The following INIP variants were observed in gnomAD, a reference collection of about 807,000 sequenced individuals.
INIP encodes INTS3 and NABP interacting protein, also known as SOSS complex subunit C.
INIP carries 9 observed loss-of-function variants against 14.0 expected under a neutral mutation model. The ratio of observed to expected loss-of-function variants is 0.64; its 90% confidence interval spans 0.39 to 1.12. The LOEUF is 1.12. Ranked by LOEUF, INIP falls within the 50% of genes most tolerant of loss-of-function variation. The pLI is 0.01. For missense variants in INIP, 78 were observed against 122.7 expected, an observed-to-expected ratio of 0.64 and a Z score of 1.72; for synonymous variants, 37 against 41.5, an observed-to-expected ratio of 0.89 and a Z score of 0.41.
chr9:112,709,070 A>G (rs2131310879), intron 2 of INIP, among the ~76,000 whole-genome samples: 1 of 151,962 alleles, frequency 6.6e-6, no homozygotes, highest in East Asian at 1.9e-4. Flanking sequence ...ATTCTCTTTC[A>G]CCTAGACCTA....
chr9:112,704,036 T>C (rs1394593336), intron 2 of INIP, among the ~76,000 whole-genome samples: 1 of 152,198 alleles, frequency 6.6e-6, no homozygotes, highest in Non-Finnish European at 1.5e-5. Context: ...TCCTGTTAAG[T>C]ATATGTCTAT....
intron 2 of INIP, among the ~76,000 whole-genome samples, chr9:112,698,486 C>G (rs1477443162): frequency 6.6e-6 from 1 of 151,926 alleles, no homozygotes; most frequent in East Asian, 1.9e-4. Context: ...TAAAAGGAGC[C>G]ATATGTAAAT....
rs1837714871 is a variant in INIP, at chr9:112,687,447, A to T, written c.*91T>A. On this transcript the variant is annotated 3_prime_UTR_variant, in exon 5 of 5. Coordinates refer to ENST00000374242, the MANE Select transcript of INIP (RefSeq NM_021218.3). ...AACAAAAAATATCAAAGTTCACCAA[A>T]ATTCTTAAAGTCACAGTTCATGTAG... is the stretch of plus-strand genomic sequence containing the variant. The T allele has an allele frequency of 4.1e-6, 3 of 739,152 alleles. No homozygotes were observed. Among genetic ancestry groups the T allele is most frequent in the Non-Finnish European group, 6.8e-6 (3 of 438,210 alleles). 45.8% of individuals were successfully genotyped at this position (739,152 alleles called of 1,614,324 possible).
chr9:112,702,620 A>C (rs963351875), intron 2 of INIP, among the ~76,000 whole-genome samples: 4 of 152,162 alleles, frequency 2.6e-5, no homozygotes, highest in South Asian at 2.1e-4. Flanking sequence ...GCTGGAGTGC[A>C]GTGGCACGAT....
In INIP at chr9:112,689,470, G is replaced by T. The variant is rs894189336; in HGVS notation, c.219+57C>A. On this transcript the variant is annotated intron_variant, in intron 4 of 4. Transcript: ENST00000374242. ...CTGAAATATAAAATAACTATGTGCC[G>T]GCTTCTGAGATCCAGGAAACCTCCA... The T allele has an allele frequency of 1.5e-5, 20 of 1,309,664 alleles. No individual in the cohort carries two copies. The African/African-American group carries it at 2.6e-4, about 17-fold the overall frequency. 81.1% of individuals were successfully genotyped at this position (1,309,664 alleles called of 1,614,324 possible). A position where few individuals can be genotyped will look rare whatever the true frequency, so the allele number is the denominator to read the frequency against.
chr9:112,693,714 G>GA (rs1445916218), intron 3 of INIP, among the ~76,000 whole-genome samples: 2 of 152,094 alleles, frequency 1.3e-5, no homozygotes, highest in Non-Finnish European at 2.9e-5. Flanking sequence ...CAGTGTTAAA[G>GA]AAAAAAATCA....
intron 2 of INIP, among the ~76,000 whole-genome samples, chr9:112,714,789 A>G (rs2131318987): frequency 6.6e-6 from 1 of 152,356 alleles, no homozygotes; most frequent in Middle Eastern, 3.4e-3. Context: ...GTTGCTTAAC[A>G]ACAGGGATAC....
Position 112,684,345 on chromosome 9 carries a change from G to C in INIP, c.*3193C>G, listed in dbSNP as rs943885960. The stretch of plus-strand genomic sequence containing the variant: ...GGACTGCTTGAGGCCAAGAGTTCAA[G>C]ACCAGCCTGGGCAACATAGCAAGAT... On this transcript the variant is annotated 3_prime_UTR_variant, in exon 5 of 5. Coordinates refer to ENST00000374242, the MANE Select transcript of INIP (RefSeq NM_021218.3). The C allele has an allele frequency of 6.6e-6, 1 of 151,262 alleles. No homozygotes were observed. The highest frequency in any genetic ancestry group is 1.5e-5 in the Non-Finnish European group (1 of 67,928). The allele number at this position is 151,262 out of a possible 1,614,324, so 9.4% of individuals were successfully genotyped here.
intron 2 of INIP, among the ~76,000 whole-genome samples, chr9:112,710,207 T>C (rs1316943206): frequency 6.6e-6 from 1 of 152,236 alleles, no homozygotes; most frequent in Non-Finnish European, 1.5e-5. Flanking sequence ...CTTGCCATTC[T>C]ACTCCTATGC....
At chr9:112,693,413 C>A (rs184236358) in intron 3 of INIP, among the ~76,000 whole-genome samples, 3 of 152,130 alleles carry the variant, frequency 2.0e-5, no homozygotes, top group Non-Finnish European at 4.4e-5. Flanking sequence ...TTACTCCATT[C>A]GTTTTCTCCA....
Position 112,716,513 on chromosome 9 carries a change from G to A in INIP, c.-28C>T. 1 of 1,610,708 alleles carries A rather than the reference G, an allele frequency of 6.2e-7. No homozygotes were observed. Among genetic ancestry groups the A allele is most frequent in the Non-Finnish European group, 8.5e-7 (1 of 1,177,004 alleles). ...TCCTATTTTGTTTCAAGTATGTCCA[G>A]TGGCAATTGGTCAGCACTTCACAAT... On this transcript the variant is annotated 5_prime_UTR_variant, in exon 2 of 5. Coordinates refer to ENST00000374242, the MANE Select transcript of INIP (RefSeq NM_021218.3).
intron 2 of INIP, among the ~76,000 whole-genome samples, chr9:112,712,814 T>C (rs565638524): frequency 6.6e-6 from 1 of 152,098 alleles, no homozygotes; most frequent in Non-Finnish European, 1.5e-5. Flanking sequence ...CCTTGGAGTA[T>C]TTGAATAATG....
intron 2 of INIP, among the ~76,000 whole-genome samples, chr9:112,705,110 C>CAAAAAAAA (rs1194911436): frequency 4.3e-5 from 2 of 46,016 alleles, no homozygotes; most frequent in Non-Finnish European, 7.9e-5. Context: ...GACCCTGTCT[C>CAAAAAAAA]AAAAAAAAAA....
At chr9:112,687,856 T>C (rs528087539) in intron 4 of INIP, among the ~76,000 whole-genome samples, 68 of 152,152 alleles carry the variant, frequency 4.5e-4, no homozygotes, top group Admixed American at 8.5e-4. Context: ...GAGGCTGAGG[T>C]GGGCGAATCA....
At chr9:112,692,619 AGACT>A (rs1478805214) in intron 3 of INIP, among the ~76,000 whole-genome samples, 2 of 152,070 alleles carry the variant, frequency 1.3e-5, no homozygotes, top group African/African-American at 4.8e-5. Flanking sequence ...AATATGGCAG[AGACT>A]GAATACCTAT....
intron 2 of INIP, among the ~76,000 whole-genome samples, chr9:112,713,993 A>G (rs1381843333): frequency 2.0e-5 from 3 of 152,106 alleles, no homozygotes; most frequent in Admixed American, 6.5e-5. Context: ...TCAAAAAAAA[A>G]AAAAAAAGTA....
rs1337474786 is a variant in INIP at position 112,705,053 on chromosome 9, G to C, written c.26-10820C>G. ...TTGAACCTGGGAGGTCAAAGCTGCA[G>C]TGAGCCATGACTGTGCCATTGCATT... On this transcript the variant is annotated intron_variant, in intron 2 of 4. Coordinates refer to ENST00000374242, the MANE Select transcript of INIP (RefSeq NM_021218.3). Among the ~76,000 whole-genome samples the C allele has an allele frequency of 2.1e-5, 3 of 142,022 alleles. No homozygotes were observed. In the East Asian group the frequency reaches 6.5e-4, roughly 31 times the overall value. 93.2% of individuals were successfully genotyped at this position (142,022 alleles called of 152,430 possible).
intron 2 of INIP, among the ~76,000 whole-genome samples, chr9:112,695,474 A>G (rs1206378467): frequency 6.6e-6 from 1 of 151,876 alleles, no homozygotes; most frequent in East Asian, 1.9e-4. Flanking sequence ...TTGGGAGAGG[A>G]GCAGAGACTA....
In INIP at chr9:112,693,961, G is replaced by A. The variant is rs1355629594; in HGVS notation, c.128+170C>T. The A allele has an allele frequency of 2.5e-5, 10 of 397,246 alleles. No individual in the cohort carries two copies. The South Asian group carries it at 3.0e-4, about 12-fold the overall frequency. 24.6% of individuals were successfully genotyped at this position (397,246 alleles called of 1,614,324 possible). A position where few individuals can be genotyped will look rare whatever the true frequency, so the allele number is the denominator to read the frequency against. On this transcript the variant is annotated intron_variant, in intron 3 of 4. Coordinates refer to ENST00000374242, the MANE Select transcript of INIP (RefSeq NM_021218.3). The stretch of plus-strand genomic sequence containing the variant: ...GTCGTGGCAGGTGCCTGTAATCCCA[G>A]CTACTCGGGAGGCTGAGGCAGGAGA...
Sources: allele counts gnomAD v4.1 joint callset (sites outside exome capture counted in the v4.1 genomes callset), GRCh38; gene constraint gnomAD v4.1.1; transcripts MANE v1.5; gene names NCBI Gene and HGNC (gene_info 2026-07-23, HGNC 2026-07-21).